Variants in PTX3 observed in about 807,000 individuals in gnomAD.
The protein encoded by PTX3 is pentraxin-related protein PTX3.
Under a neutral mutation model 23.5 loss-of-function variants are expected in PTX3, and 24 were observed. The ratio of observed to expected loss-of-function variants is 1.02; its 90% CI spans 0.74 to 1.43. The LOEUF (loss-of-function observed/expected upper bound fraction) is 1.43. Ranked by LOEUF, PTX3 falls within the 40% of genes most tolerant of loss-of-function variation. The pLI is 0.00. For synonymous variants in PTX3, 218 were observed against 205.4 expected (o/e 1.06, Z -0.53); for missense variants, 510 against 497.5 (o/e 1.02, Z -0.24).
chr3:157,442,565 C>T lies in PTX3; in HGVS notation c.732C>T (p.Ser244=). The T allele has an allele frequency of 1.2e-6, 2 of 1,614,204 alleles. No homozygotes were observed. The highest frequency in any genetic ancestry group is 1.7e-6 in the Non-Finnish European group (2 of 1,180,042). ...TCCAGCTGTATCTCAGCTACCAATC[C>T]ATAGTGTTTGTGGTGGGTGGAGAGG... ...YEIQLYLSYQ[S]IVFVVGGEEN... is the part of the protein sequence containing the mutation. Residue 244 remains serine (S), a synonymous_variant, in exon 3 of 3, where the codon TCC becomes TCT. Transcript: ENST00000295927.
chr3:157,438,050 C>CACAG, intron 2 of PTX3, 136 bp downstream of exon 2: 1 of 728,590 alleles, frequency 1.4e-6, no homozygotes, highest in South Asian at 1.8e-5. Context: ...CACACACACA[C>CACAG]ACACACACAC....
intron 1 of PTX3, among the ~76,000 whole-genome samples, chr3:157,437,312 T>C (rs1577653607): frequency 6.6e-6 from 1 of 152,214 alleles, no homozygotes; most frequent in African/African-American, 2.4e-5. Context: ...TTTCATAGGG[T>C]ACAACTTAAT....
chr3:157,438,009 C>T, intron 2 of PTX3, 95 bp downstream of exon 2: 2 of 1,382,314 alleles, frequency 1.4e-6, no homozygotes, highest in Non-Finnish European at 9.6e-7. Flanking sequence ...CTAGGGGAAG[C>T]TTTCATGGGA....
At chr3:157,438,055 A>C in intron 2 of PTX3, 141 bp downstream of exon 2, 4 of 737,016 alleles carry the variant, frequency 5.4e-6, no homozygotes, top group Non-Finnish European at 8.5e-6. Flanking sequence ...ACACACACAC[A>C]CACACACACA....
At chr3:157,441,704 G>A (rs542872786) in intron 2 of PTX3, among the ~76,000 whole-genome samples, 60 of 152,110 alleles carry the variant, frequency 3.9e-4, no homozygotes, top group African/African-American at 1.1e-3. Context: ...CAGCTACTCC[G>A]GAAGCTGAGG....
intron 2 of PTX3, among the ~76,000 whole-genome samples, chr3:157,440,841 A>G (rs1042759370): frequency 1.5e-4 from 23 of 152,204 alleles, no homozygotes; most frequent in Middle Eastern, 3.4e-3. Context: ...CTCAAATTTG[A>G]AAGTCCCCCT....
At position 157,442,875 on chromosome 3, in the gene PTX3, A is replaced by T; in HGVS notation, c.1042A>T (p.Ile348Leu). 3 of 1,614,198 alleles carry T rather than the reference A, an allele frequency of 1.9e-6. No individual in the cohort carries two copies. The highest frequency in any genetic ancestry group is 1.3e-5 in the African/African-American group (1 of 75,046). Residue 348 changes from isoleucine (I) to leucine (L), a missense_variant, in exon 3 of 3, where the codon ATA (isoleucine) becomes TTA (leucine). By Grantham distance (5) the Ile-to-Leu change is conservative. Transcript: ENST00000295927. Reference protein sequence around the residue: ...IWDSVLSNEEIRETGGAESCH... With the variant: ...IWDSVLSNEELRETGGAESCH... ...GGATAGTGTTCTTAGCAATGAAGAG[A>T]TAAGAGAGACCGGAGGAGCAGAGTC...
rs532339932 is a variant in PTX3, at chr3:157,443,473, T to C, written c.*494T>C. ...TATAAATGTAGTTTATGTGTTATAA[T>C]CGAATGTCACGTTTTTGAGAAGATA... is the stretch of plus-strand genomic sequence containing the variant. On this transcript the variant is annotated 3_prime_UTR_variant, in exon 3 of 3. Coordinates refer to ENST00000295927, the MANE Select transcript of PTX3 (RefSeq NM_002852.4). The C allele has an allele frequency of 1.3e-5, 2 of 153,684 alleles. No homozygotes were observed. The highest frequency in any genetic ancestry group is 3.9e-4 in the East Asian group (2 of 5,194). The allele number at this position is 153,684 out of a possible 1,614,324, so 9.5% of individuals were successfully genotyped here.
chr3:157,437,788 G>A lies in PTX3; in HGVS notation c.406G>A (p.Gly136Ser), dbSNP rs1317005599. 1 of 1,463,676 alleles carries A rather than the reference G, an allele frequency of 6.8e-7. No individual in the cohort carries two copies. The highest frequency in any genetic ancestry group is 1.4e-5 in the South Asian group (1 of 73,766). 90.7% of individuals were successfully genotyped at this position (1,463,676 alleles called of 1,614,324 possible). A position where few individuals can be genotyped will look rare whatever the true frequency, so the allele number is the denominator to read the frequency against. Residue 136 changes from glycine (G) to serine (S), a missense_variant, in exon 2 of 3, where the codon GGC becomes AGC. Transcript: ENST00000295927. ...GGGCCGCAGGCTGGCGCGTATGGAG[G>A]GCGCGGAGGCGCAGCGCCCAGAGGA... ...DAGRRLARME[G>S]AEAQRPEEAG... is the part of the protein sequence containing the mutation.
chr3:157,438,354 G>A (rs1394950129), intron 2 of PTX3, among the ~76,000 whole-genome samples: 2 of 152,034 alleles, frequency 1.3e-5, no homozygotes, highest in African/African-American at 2.4e-5. Context: ...CTTTAGAGGA[G>A]CTCTGGTTTC....
intron 1 of PTX3, 41 bp downstream of exon 1, chr3:157,437,104 A>G (rs763314610): frequency 3.1e-6 from 5 of 1,603,222 alleles, no homozygotes; most frequent in Non-Finnish European, 3.4e-6. Flanking sequence ...CCCTGACTAC[A>G]TATCCACCTC....
chr3:157,442,315 GAATT>G (rs746953775), intron 2 of PTX3, 47 bp from the exon 3 acceptor site: 15 of 1,410,340 alleles, frequency 1.1e-5, no homozygotes, highest in South Asian at 2.8e-5. Flanking sequence ...GAATAATTCT[GAATT>G]AATTTATATT....
chr3:157,440,591 C>CAT (rs1034695470), intron 2 of PTX3, among the ~76,000 whole-genome samples: 1 of 151,942 alleles, frequency 6.6e-6, no homozygotes, highest in South Asian at 2.1e-4. Flanking sequence ...CACATACACA[C>CAT]ATATATATAC....
Position 157,443,152 on chromosome 3 carries a change from A to C in PTX3, c.*173A>C, listed in dbSNP as rs569894359. The C allele has an allele frequency of 2.7e-6, 2 of 740,466 alleles. No homozygotes were observed. The highest frequency in any genetic ancestry group is 5.2e-5 in the South Asian group (2 of 38,592). The allele number at this position is 740,466 out of a possible 1,614,324, so 45.9% of individuals were successfully genotyped here. A position where few individuals can be genotyped will look rare whatever the true frequency, so the allele number is the denominator to read the frequency against. On this transcript the variant is annotated 3_prime_UTR_variant, in exon 3 of 3. Coordinates refer to ENST00000295927, the MANE Select transcript of PTX3 (RefSeq NM_002852.4). ...AAATACTGAATAAACAGTTGAAGGA[A>C]AGACATTGGAAAAAGCTTTTGAGGA... is the stretch of plus-strand genomic sequence containing the variant.
chr3:157,443,126 C>A lies in PTX3; in HGVS notation c.*147C>A. ...GAGACCAATCTTTATTTGTACTGGC[C>A]AAATACTGAATAAACAGTTGAAGGA... is the stretch of plus-strand genomic sequence containing the variant. On this transcript the variant is annotated 3_prime_UTR_variant, in exon 3 of 3. Coordinates refer to ENST00000295927, the MANE Select transcript of PTX3 (RefSeq NM_002852.4). 2 of 911,626 alleles carry A rather than the reference C, an allele frequency of 2.2e-6. No homozygotes were observed. The highest frequency in any genetic ancestry group is 3.2e-6 in the Non-Finnish European group (2 of 623,882). 56.5% of individuals were successfully genotyped at this position (911,626 alleles called of 1,614,324 possible). A position where few individuals can be genotyped will look rare whatever the true frequency, so the allele number is the denominator to read the frequency against.
chr3:157,443,158 T>C lies in PTX3; in HGVS notation c.*179T>C. On this transcript the variant is annotated 3_prime_UTR_variant, in exon 3 of 3. Coordinates refer to ENST00000295927, the MANE Select transcript of PTX3 (RefSeq NM_002852.4). ...TGAATAAACAGTTGAAGGAAAGACA[T>C]TGGAAAAAGCTTTTGAGGATAATGT... 4 of 708,530 alleles carry C rather than the reference T, an allele frequency of 5.6e-6. No homozygotes were observed. The highest frequency in any genetic ancestry group is 2.7e-5 in the South Asian group (1 of 37,524). 43.9% of individuals were successfully genotyped at this position (708,530 alleles called of 1,614,324 possible).
rs562849196 is a variant in PTX3 at position 157,440,448 on chromosome 3, G to T, written c.533-1918G>T. ...ACTTTTACATGGATGTTTGGTTTCT[G>T]CAAGTTCTTTCTCTTTACCAGTTAT... On this transcript the variant is annotated intron_variant, in intron 2 of 2. Coordinates refer to ENST00000295927, the MANE Select transcript of PTX3 (RefSeq NM_002852.4). Among the ~76,000 whole-genome samples, 3 of 152,190 alleles carry T rather than the reference G, an allele frequency of 2.0e-5. No homozygotes were observed. In the East Asian group the frequency reaches 5.8e-4, roughly 29 times the overall value.
intron 2 of PTX3, among the ~76,000 whole-genome samples, chr3:157,438,123 G>C (rs528614608): frequency 1.3e-5 from 2 of 151,524 alleles, no homozygotes; most frequent in Admixed American, 6.6e-5. Flanking sequence ...ATACAAGGCG[G>C]GAAAATTGGC....
intron 2 of PTX3, among the ~76,000 whole-genome samples, chr3:157,439,119 T>C (rs563024373): frequency 6.6e-6 from 1 of 152,310 alleles, no homozygotes; most frequent in East Asian, 1.9e-4. Flanking sequence ...TAAAATCAAA[T>C]GTACACTAGA....
Sources: allele counts gnomAD v4.1 joint callset (sites outside exome capture counted in the v4.1 genomes callset), GRCh38; gene constraint gnomAD v4.1.1; transcripts MANE v1.5; gene names NCBI Gene and HGNC (gene_info 2026-07-23, HGNC 2026-07-21).